The following HRH1 variants were observed in gnomAD, a reference collection of about 807,000 sequenced individuals.
HRH1 encodes histamine receptor H1, also known as histamine H1 receptor.
HRH1 carries 6 observed loss-of-function variants against 10.3 expected under a neutral mutation model. That is an observed-to-expected ratio of 0.58 (90% CI 0.32 to 1.15). HRH1 has a LOEUF of 1.15. HRH1 is among the 50% of genes most tolerant of loss of function. The pLI, the probability that HRH1 is intolerant of heterozygous loss-of-function variation, is 0.05. For missense variants in HRH1, 514 were observed against 615.3 expected (o/e 0.84, Z 1.74); for synonymous variants, 242 against 236.7 (o/e 1.02, Z -0.21).
intron 1 of HRH1, among the ~76,000 whole-genome samples, chr3:11,172,741 C>T (rs528766368): frequency 1.0e-4 from 15 of 145,656 alleles, no homozygotes; most frequent in Middle Eastern, 3.7e-3. Context: ...CTCGCTCTGT[C>T]CCCCAGGCTG....
chr3:11,222,561 AG>A (rs1026886789), intron 1 of HRH1, among the ~76,000 whole-genome samples: 32 of 152,248 alleles, frequency 2.1e-4, no homozygotes, highest in African/African-American at 7.7e-4. Flanking sequence ...AAACAAGAGG[AG>A]GGAAAAATCA....
chr3:11,251,228 G>C (rs1222815517), intron 1 of HRH1, among the ~76,000 whole-genome samples: 1 of 152,130 alleles, frequency 6.6e-6, no homozygotes, highest in East Asian at 1.9e-4. Context: ...TCAAAGGAAA[G>C]ATTCTTCTAG....
chr3:11,238,858 A>C (rs1939258451), intron 1 of HRH1, among the ~76,000 whole-genome samples: 1 of 152,242 alleles, frequency 6.6e-6, no homozygotes, highest in Non-Finnish European at 1.5e-5. Context: ...AGCTTGGAAC[A>C]GTACTGTGTT....
chr3:11,148,681 C>G (rs1260953470), intron 1 of HRH1, among the ~76,000 whole-genome samples: 1 of 152,150 alleles, frequency 6.6e-6, no homozygotes, highest in Non-Finnish European at 1.5e-5. Context: ...GAAATCATCA[C>G]AACACTTCCC....
At position 11,186,649 on chromosome 3, in the gene HRH1, G is replaced by T. The variant is rs1009655352; in HGVS notation, c.-36+32095G>T. The stretch of plus-strand genomic sequence containing the variant: ...TGAGACCACTCTGATTCCTCTCACA[G>T]GGCTAAGGGACCATCATCACATAGT... On this transcript the variant is annotated intron_variant, in intron 1 of 1. Transcript: ENST00000431010. 2.6e-5 allele frequency among the ~76,000 whole-genome samples: 4 copies of T among 152,138 alleles called. No individual in the cohort carries two copies. In the East Asian group the frequency reaches 7.7e-4, roughly 29 times the overall value.
intron 1 of HRH1, among the ~76,000 whole-genome samples, chr3:11,208,736 G>A (rs1018769571): frequency 2.0e-5 from 3 of 152,122 alleles, no homozygotes; most frequent in Admixed American, 6.6e-5. Flanking sequence ...ATTATTAATC[G>A]CTGTATACCA....
chr3:11,198,335 C>T (rs1298035760), intron 1 of HRH1, among the ~76,000 whole-genome samples: 1 of 152,170 alleles, frequency 6.6e-6, no homozygotes, highest in Admixed American at 6.5e-5. Context: ...ATTCCCGACG[C>T]TCTTAACATT....
chr3:11,193,584 T>A (rs1236329142), intron 1 of HRH1, among the ~76,000 whole-genome samples: 1 of 152,068 alleles, frequency 6.6e-6, no homozygotes, highest in Admixed American at 6.6e-5. Context: ...GTGGGAAGGG[T>A]GTCTTAGTCC....
chr3:11,259,416 C>A lies in HRH1; in HGVS notation c.379C>A (p.Arg127Ser), dbSNP rs755335412. The change falls in exon 2 of 2, where the codon CGC (arginine) becomes AGC (serine). Residue 127 changes from arginine (R) to serine (S), a missense_variant. Arg to Ser is a moderately radical substitution (Grantham distance 110). Transcript: ENST00000431010. This position sits in a 1 kb window ranked among gnomAD's most constrained non-coding sequence, Gnocchi z 4.6. ...SVFILCIDRY[R>S]SVQQPLRYLK... ...CTTCATCCTGTGCATTGATCGCTAC[C>A]GCTCTGTCCAGCAGCCCCTCAGGTA... The A allele has an allele frequency of 6.2e-7, 1 of 1,613,810 alleles. No individual in the cohort carries two copies. The highest frequency in any genetic ancestry group is 8.5e-7 in the Non-Finnish European group (1 of 1,179,954).
intron 1 of HRH1, among the ~76,000 whole-genome samples, chr3:11,177,746 A>C (rs976580472): frequency 3.3e-5 from 5 of 152,216 alleles, no homozygotes; most frequent in African/African-American, 1.2e-4. Context: ...AGAATGAATG[A>C]ATGTTTGATG....
rs372047507 is a variant in HRH1 at position 11,249,134 on chromosome 3, T to C, written c.-35-9869T>C. On this transcript the variant is annotated intron_variant, in intron 1 of 1. Transcript: ENST00000431010. ...GTTTAGGGCTGGGCGCGGTGGCTCATGCCTGTAATCCCAGCACTTTGGGAG... is the reference window on the plus strand; with the variant it reads ...GTTTAGGGCTGGGCGCGGTGGCTCACGCCTGTAATCCCAGCACTTTGGGAG... Among the ~76,000 whole-genome samples, 174 of 152,136 alleles carry C rather than the reference T, an allele frequency of 1.1e-3. 2 individuals carry two copies. The highest frequency in any genetic ancestry group is 3.9e-3 in the African/African-American group (161 of 41,544).
intron 1 of HRH1, chr3:11,234,730 G>A: frequency 2.3e-6 from 2 of 851,202 alleles, no homozygotes; most frequent in South Asian, 1.3e-5. Context: ...GGCAGCAGCT[G>A]TAGCTTCACG....
At position 11,260,613 on chromosome 3, in the gene HRH1, CCA is replaced by C; in HGVS notation, c.*115_*116del. 1.0e-6 allele frequency: 1 copy of C among 997,370 alleles called. No individual in the cohort carries two copies. Among genetic ancestry groups the C allele is most frequent in the Non-Finnish European group, 1.5e-6 (1 of 661,308 alleles). 61.8% of individuals were successfully genotyped at this position (997,370 alleles called of 1,614,324 possible). A position where few individuals can be genotyped will look rare whatever the true frequency, so the allele number is the denominator to read the frequency against. ...GCACCTGGGCTTTCTGGAATCCAAA[CCA>C]CAGTCTTAGGGGCTTGGTAGTTTGG... On this transcript the variant is annotated 3_prime_UTR_variant, in exon 2 of 2. Coordinates refer to ENST00000431010, the MANE Select transcript of HRH1 (RefSeq NM_001098212.2).
At chr3:11,162,590 G>A (rs1052103144) in intron 1 of HRH1, among the ~76,000 whole-genome samples, 2 of 151,916 alleles carry the variant, frequency 1.3e-5, no homozygotes, top group East Asian at 3.9e-4. Flanking sequence ...TTATAGATGA[G>A]ACAACTGAGG....
chr3:11,189,141 A>G (rs1937500351), intron 1 of HRH1, among the ~76,000 whole-genome samples: 1 of 152,160 alleles, frequency 6.6e-6, no homozygotes. Flanking sequence ...GGGCTCAGTA[A>G]GGTTGAGTGG....
chr3:11,179,480 C>G (rs1937310582), intron 1 of HRH1, among the ~76,000 whole-genome samples: 2 of 151,058 alleles, frequency 1.3e-5, no homozygotes, highest in African/African-American at 4.9e-5. Flanking sequence ...ATTAGCTGGG[C>G]GTGGTGGCGG....
At chr3:11,201,723 C>T (rs1937918884) in intron 1 of HRH1, among the ~76,000 whole-genome samples, 1 of 152,208 alleles carries the variant, frequency 6.6e-6, no homozygotes, top group African/African-American at 2.4e-5. Flanking sequence ...GGGGGACATG[C>T]CCAGGAAGAA....
intron 1 of HRH1, among the ~76,000 whole-genome samples, chr3:11,175,886 C>T (rs1937238654): frequency 6.6e-6 from 1 of 152,130 alleles, no homozygotes. Flanking sequence ...AGGCGGGGCA[C>T]ATGGGCTCAC....
chr3:11,219,515 C>T (rs1938626315), intron 1 of HRH1, among the ~76,000 whole-genome samples: 1 of 151,884 alleles, frequency 6.6e-6, no homozygotes, highest in Non-Finnish European at 1.5e-5. Flanking sequence ...AGTTCAAAAC[C>T]AGCCTGGCCA....
Sources: gnomAD v4.1 joint callset for allele counts (sites outside exome capture counted in the v4.1 genomes callset) on GRCh38, gnomAD v4.1.1 for gene constraint, Gnocchi (gnomAD v3.1) non-coding constraint, MANE v1.5 for transcripts, NCBI Gene and HGNC (gene_info 2026-07-23, HGNC 2026-07-21) for gene names.